The following KIF13B variants were observed in gnomAD, a reference collection of about 807,000 sequenced individuals.
KIF13B encodes the protein kinesin family member 13B.
Under a neutral mutation model 222.0 loss-of-function variants are expected in KIF13B, and 127 were observed. The ratio of observed to expected loss-of-function variants is 0.57; its 90% CI spans 0.50 to 0.66. The LOEUF (loss-of-function observed/expected upper bound fraction) is 0.66. Among genes scored for constraint, KIF13B ranks in the 30% least tolerant of loss-of-function variants. The pLI is 0.00. For synonymous variants in KIF13B, 976 were observed against 919.0 expected (o/e 1.06, Z -1.12); for missense variants, 2,173 against 2,379.0 (o/e 0.91, Z 1.80).
intron 35 of KIF13B, among the ~76,000 whole-genome samples, chr8:29,100,417 C>T (rs1030390520): frequency 2.6e-5 from 4 of 151,960 alleles, no homozygotes; most frequent in African/African-American, 4.8e-5. Flanking sequence ...TAATCGTGTG[C>T]AATATGAGTT....
At chr8:29,215,365 G>A (rs1293017592) in intron 2 of KIF13B, among the ~76,000 whole-genome samples, 3 of 152,116 alleles carry the variant, frequency 2.0e-5, no homozygotes, top group Admixed American at 1.3e-4. Context: ...ATTATTTCAT[G>A]TCCCAGGATC....
At chr8:29,179,698 CTCCAGGT>C (rs1812631533) in intron 8 of KIF13B, among the ~76,000 whole-genome samples, 2 of 152,226 alleles carry the variant, frequency 1.3e-5, no homozygotes, top group South Asian at 4.1e-4. Flanking sequence ...CAAGCACATT[CTCCAGGT>C]TCCAGGGTGC....
chr8:29,256,726 T>C lies in KIF13B; in HGVS notation c.55+6254A>G, dbSNP rs543740423. 2.0e-4 allele frequency among the ~76,000 whole-genome samples: 31 copies of C among 151,792 alleles called. 1 individual carries two copies. Among genetic ancestry groups the C allele is most frequent in the Admixed American group, 1.7e-3 (26 of 15,238 alleles). On this transcript the variant is annotated intron_variant, in intron 1 of 39. Coordinates refer to ENST00000524189, the MANE Select transcript of KIF13B (RefSeq NM_015254.4). ...TTAACCTCTCTGAGGTTCTGCTACA[T>C]AGAAATGCTACAATTACTACTTTTT...
At chr8:29,097,626 G>A (rs996122777) in intron 36 of KIF13B, among the ~76,000 whole-genome samples, 1 of 152,098 alleles carries the variant, frequency 6.6e-6, no homozygotes, top group Admixed American at 6.5e-5. Context: ...GATAAGTCAT[G>A]GATCAAAGAA....
chr8:29,113,137 G>A (rs920745636), intron 32 of KIF13B, among the ~76,000 whole-genome samples: 1 of 152,178 alleles, frequency 6.6e-6, no homozygotes, highest in Non-Finnish European at 1.5e-5. Flanking sequence ...CAAGATTTCT[G>A]TTTGACTTCA....
intron 3 of KIF13B, among the ~76,000 whole-genome samples, chr8:29,193,856 C>T (rs566682931): frequency 2.0e-5 from 3 of 152,316 alleles, no homozygotes; most frequent in East Asian, 1.9e-4. Flanking sequence ...CTCGCTCTGT[C>T]GCCCAGGCTG....
intron 31 of KIF13B, 84 bp from the exon 32 acceptor site, chr8:29,113,639 G>T: frequency 1.3e-6 from 1 of 798,654 alleles, no homozygotes; most frequent in Non-Finnish European, 2.1e-6. Context: ...GAAAATACTG[G>T]TTCATTCTAA....
At chr8:29,238,150 G>A (rs763047545) in intron 2 of KIF13B, among the ~76,000 whole-genome samples, 2 of 152,140 alleles carry the variant, frequency 1.3e-5, no homozygotes, top group Non-Finnish European at 2.9e-5. Flanking sequence ...AATTAAAATC[G>A]CTATTTAAAT....
intron 9 of KIF13B, among the ~76,000 whole-genome samples, chr8:29,176,684 C>A (rs1049456834): frequency 1.3e-5 from 2 of 152,154 alleles, no homozygotes; most frequent in South Asian, 2.1e-4. Flanking sequence ...TATGAAGGAA[C>A]TGATAAACAA....
chr8:29,191,201 G>A, intron 3 of KIF13B, 144 bp from the exon 4 acceptor site: 1 of 615,852 alleles, frequency 1.6e-6, no homozygotes, highest in Non-Finnish European at 2.8e-6. Context: ...GGCTTACAAT[G>A]AGAACTAAAC....
At chr8:29,170,888 G>A (rs1432594956) in intron 10 of KIF13B, among the ~76,000 whole-genome samples, 1 of 152,132 alleles carries the variant, frequency 6.6e-6, no homozygotes, top group African/African-American at 2.4e-5. Flanking sequence ...CACCAGCCTG[G>A]CCAACATAGT....
At chr8:29,203,909 A>AAAAAGAT (rs1554618099) in intron 2 of KIF13B, among the ~76,000 whole-genome samples, 1 of 151,168 alleles carries the variant, frequency 6.6e-6, no homozygotes, top group African/African-American at 2.4e-5. Context: ...AAAAAAAAAA[A>AAAAAGAT]AAAAAGATAG....
chr8:29,134,137 T>C lies in KIF13B; in HGVS notation c.2687A>G (p.Asp896Gly). 1 of 1,613,956 alleles carries C rather than the reference T, an allele frequency of 6.2e-7. No individual in the cohort carries two copies. The highest frequency in any genetic ancestry group is 1.1e-5 in the South Asian group (1 of 91,084). The change falls in exon 22 of 40, where the codon GAT becomes GGT. Residue 896 changes from aspartate to glycine, a missense_variant. Physicochemically the swap from Asp to Gly is moderately conservative, Grantham distance 94. Around this residue, in one of 2 missense-constraint regions of KIF13B, gnomAD observed 1,480 missense variants for 1,722.8 expected, o/e 0.86. Coordinates refer to ENST00000524189, the MANE Select transcript of KIF13B (RefSeq NM_015254.4). ...HFVFCKYSFWDQQEPVIVAPE... is the reference protein window; with the variant it reads ...HFVFCKYSFWGQQEPVIVAPE... ...AGCGACAATCACCGGCTCCTGTTGA[T>C]CCCAGAAGCTGTATTTGCAGAACAC...
rs952060403 is a variant in KIF13B, at chr8:29,070,359, G to C, written c.*145C>G. Reference sequence around the variant, plus strand: ...ACAAAGCTTCCAGAGGCCCAGGGAGGTCACCAGCCCTGTGTCGTGCAAAAA... The same window carrying C: ...ACAAAGCTTCCAGAGGCCCAGGGAGCTCACCAGCCCTGTGTCGTGCAAAAA... On this transcript the variant is annotated 3_prime_UTR_variant, in exon 40 of 40. Transcript: ENST00000524189. The surrounding 1 kb of genome is among the most constrained non-coding windows in gnomAD (Gnocchi z 4.1). The C allele has an allele frequency of 3.5e-6, 3 of 857,024 alleles. No homozygotes were observed. The African/African-American group carries it at 5.2e-5, about 15-fold the overall frequency. The allele number at this position is 857,024 out of a possible 1,614,324, so 53.1% of individuals were successfully genotyped here.
intron 2 of KIF13B, among the ~76,000 whole-genome samples, chr8:29,210,542 C>T (rs1447349565): frequency 6.6e-6 from 1 of 152,066 alleles, no homozygotes; most frequent in Admixed American, 6.5e-5. Context: ...CTCCATTTTT[C>T]GTTTAGTTTG....
At chr8:29,260,922 TTA>T (rs1411064366) in intron 1 of KIF13B, among the ~76,000 whole-genome samples, 7 of 152,210 alleles carry the variant, frequency 4.6e-5, no homozygotes, top group Admixed American at 1.3e-4. Context: ...CTGGCCTGTT[TTA>T]GTCTTTTTAT....
intron 2 of KIF13B, among the ~76,000 whole-genome samples, chr8:29,237,747 T>C (rs1815576749): frequency 6.6e-6 from 1 of 152,242 alleles, no homozygotes; most frequent in African/African-American, 2.4e-5. Context: ...GCAATTTGAC[T>C]ACCTGCTTCC....
At chr8:29,226,887 T>C (rs967130200) in intron 2 of KIF13B, among the ~76,000 whole-genome samples, 6 of 152,208 alleles carry the variant, frequency 3.9e-5, no homozygotes, top group African/African-American at 1.2e-4. Context: ...AAGCAATTAT[T>C]TTCATCTGTT....
intron 28 of KIF13B, 60 bp downstream of exon 28, chr8:29,123,306 C>T (rs1469060156): frequency 6.3e-7 from 1 of 1,588,822 alleles, no homozygotes; most frequent in Non-Finnish European, 8.6e-7. Context: ...AAAATTCAAG[C>T]TAAAAGCAAG....
Sources: allele counts gnomAD v4.1 joint callset (sites outside exome capture counted in the v4.1 genomes callset), GRCh38; gene constraint gnomAD v4.1.1; regional missense constraint gnomAD v4.1.1; non-coding constraint Gnocchi (gnomAD v3.1); transcripts MANE v1.5; gene names NCBI Gene and HGNC (gene_info 2026-07-23, HGNC 2026-07-21).